TMC1: variants seen among roughly 807,000 people sequenced by gnomAD.
TMC1 encodes transmembrane channel-like protein 1.
A neutral mutation model predicts 105.8 loss-of-function variants in TMC1; 84 were observed. The ratio of observed to expected loss-of-function variants is 0.79; its 90% CI spans 0.67 to 0.95. The LOEUF is 0.95. TMC1 is among the 40% of genes least tolerant of loss of function. The pLI is 0.00. For synonymous variants in TMC1, 315 were observed against 311.5 expected (o/e 1.01, Z -0.12); for missense variants, 817 against 914.1 (o/e 0.89, Z 1.37).
At position 72,835,096 on chromosome 9, in the gene TMC1, C is replaced by T. The variant is rs193072934; in HGVS notation, c.2261-855C>T. On this transcript the variant is annotated intron_variant, in intron 23 of 23. Transcript: ENST00000297784. ...TAAAATTTTGTCATTGATGTCTCTTCCCCTATTCTCCCCCTCCTTGCAGGT... is the reference window on the plus strand; with the variant it reads ...TAAAATTTTGTCATTGATGTCTCTTTCCCTATTCTCCCCCTCCTTGCAGGT... 1.1e-3 allele frequency among the ~76,000 whole-genome samples: 174 copies of T among 152,146 alleles called. 1 individual carries two copies. The highest frequency in any genetic ancestry group is 4.1e-3 in the African/African-American group (169 of 41,512).
Position 72,644,672 on chromosome 9 carries a change from T to C in TMC1, c.-52-3925T>C, listed in dbSNP as rs936673466. Among the ~76,000 whole-genome samples, 6 of 152,250 alleles carry C rather than the reference T, an allele frequency of 3.9e-5. No individual in the cohort carries two copies. In the South Asian group the frequency reaches 1.2e-3, roughly 32 times the overall value. On this transcript the variant is annotated intron_variant, in intron 4 of 23. Transcript: ENST00000297784. ...AACTGTAGTTAATAAAGTCTTAAAGTTAGGTAGTAAAAGTCTGCTATTTTC... is the reference window on the plus strand; with the variant it reads ...AACTGTAGTTAATAAAGTCTTAAAGCTAGGTAGTAAAAGTCTGCTATTTTC...
intron 2 of TMC1, among the ~76,000 whole-genome samples, chr9:72,597,304 G>T (rs998022635): frequency 6.6e-6 from 1 of 152,200 alleles, no homozygotes; most frequent in African/African-American, 2.4e-5. Flanking sequence ...TGCCAAGCAG[G>T]TCAGCGGGGC....
chr9:72,655,052 G>C (rs561950470), intron 5 of TMC1, among the ~76,000 whole-genome samples: 1 of 152,314 alleles, frequency 6.6e-6, no homozygotes, highest in African/African-American at 2.4e-5. Flanking sequence ...GTGGGACCAG[G>C]TGGAGGTAAT....
chr9:72,590,413 G>A (rs1236310350), intron 2 of TMC1, among the ~76,000 whole-genome samples: 1 of 152,216 alleles, frequency 6.6e-6, no homozygotes, highest in African/African-American at 2.4e-5. Context: ...GAATCAGGCA[G>A]TGAAAGAGCT....
intron 18 of TMC1, 93 bp downstream of exon 18, chr9:72,805,603 G>T (rs1242836312): frequency 8.2e-7 from 1 of 1,220,014 alleles, no homozygotes; most frequent in Non-Finnish European, 1.1e-6. Flanking sequence ...GGGGGATTTG[G>T]CAGGGTCATA....
At chr9:72,622,006 C>T (rs138659096) in intron 3 of TMC1, among the ~76,000 whole-genome samples, 53 of 152,200 alleles carry the variant, frequency 3.5e-4, no homozygotes, top group African/African-American at 1.2e-3. Flanking sequence ...TCCAAATCCA[C>T]CCTTGTTTAT....
intron 20 of TMC1, among the ~76,000 whole-genome samples, chr9:72,826,200 G>C (rs1588103776): frequency 6.6e-6 from 1 of 152,250 alleles, no homozygotes; most frequent in Admixed American, 6.5e-5. Flanking sequence ...TACAATTCTA[G>C]CTATTCCTTA....
intron 21 of TMC1, among the ~76,000 whole-genome samples, chr9:72,828,038 CAA>C (rs779834528): frequency 1.9e-4 from 29 of 152,128 alleles, no homozygotes; most frequent in Non-Finnish European, 3.5e-4. Flanking sequence ...TTTCCCTAGA[CAA>C]GAGAGAGAGT....
chr9:72,685,050 T>C (rs2793154), intron 5 of TMC1, among the ~76,000 whole-genome samples: 58,001 of 150,490 alleles, frequency 0.39, 11,640 homozygotes, highest in African/African-American at 0.51. Context: ...TTAGGTAGGC[T>C]GGAGAAGAAA....
At chr9:72,637,266 G>A (rs1301466365) in intron 4 of TMC1, among the ~76,000 whole-genome samples, 1 of 151,478 alleles carries the variant, frequency 6.6e-6, no homozygotes, top group Non-Finnish European at 1.5e-5. Flanking sequence ...TAGTTATCTA[G>A]TATAGAGAAG....
At chr9:72,772,008 G>A (rs1393841484) in intron 12 of TMC1, among the ~76,000 whole-genome samples, 3 of 152,078 alleles carry the variant, frequency 2.0e-5, no homozygotes, top group Non-Finnish European at 4.4e-5. Flanking sequence ...TCAGGTGATT[G>A]GAAATGGAAA....
At chr9:72,789,519 A>G (rs1588084303) in intron 15 of TMC1, among the ~76,000 whole-genome samples, 3 of 152,132 alleles carry the variant, frequency 2.0e-5, no homozygotes, top group African/African-American at 7.2e-5. Flanking sequence ...TCATTTTGTG[A>G]CATGATGGAA....
At chr9:72,717,941 T>G (rs1826950037) in intron 8 of TMC1, among the ~76,000 whole-genome samples, 1 of 152,122 alleles carries the variant, frequency 6.6e-6, no homozygotes, top group South Asian at 2.1e-4. Context: ...TTCTTAGGTT[T>G]GGTCATTTAA....
intron 13 of TMC1, among the ~76,000 whole-genome samples, chr9:72,779,956 T>C (rs980878689): frequency 6.6e-6 from 1 of 152,034 alleles, no homozygotes; most frequent in African/African-American, 2.4e-5. Flanking sequence ...CCAAGACACA[T>C]AGCCCACAGA....
At chr9:72,718,517 G>A (rs955245929) in intron 8 of TMC1, among the ~76,000 whole-genome samples, 1 of 152,212 alleles carries the variant, frequency 6.6e-6, no homozygotes, top group Non-Finnish European at 1.5e-5. Context: ...CTCTGGGCTG[G>A]CACTGGGGGA....
chr9:72,616,650 G>A (rs1825135404), intron 3 of TMC1, among the ~76,000 whole-genome samples, 173 bp downstream of exon 3: 1 of 150,708 alleles, frequency 6.6e-6, no homozygotes, highest in South Asian at 2.1e-4. Flanking sequence ...TAATTTGTAA[G>A]TGATGCATTT....
chr9:72,635,800 A>G (rs2132139013), intron 4 of TMC1, among the ~76,000 whole-genome samples: 1 of 152,340 alleles, frequency 6.6e-6, no homozygotes, highest in Non-Finnish European at 1.5e-5. Context: ...AGAGCCTGTC[A>G]TTAGGCATTT....
rs774756982 is a variant in TMC1, at chr9:72,789,165, G to A, written c.1072G>A (p.Val358Ile). 8 of 1,613,334 alleles carry A rather than the reference G, an allele frequency of 5.0e-6. No individual in the cohort carries two copies. Among genetic ancestry groups the A allele is most frequent in the African/African-American group, 1.3e-5 (1 of 75,028 alleles). ...EEKAAQVEEN[V>I]HLIRFLRFLA... The stretch of plus-strand genomic sequence containing the variant: ...AAAAGCAGCCCAAGTAGAAGAAAAC[G>A]TCCACTTGATCAGATTCCTGAGGTT... Residue 358 changes from valine to isoleucine, a missense_variant, in exon 15 of 24, where the codon GTC becomes ATC. Transcript: ENST00000297784.
chr9:72,642,953 C>T (rs1189487034), intron 4 of TMC1, among the ~76,000 whole-genome samples: 2 of 152,088 alleles, frequency 1.3e-5, no homozygotes, highest in African/African-American at 4.8e-5. Context: ...TATAGTTTTG[C>T]CTTTTCAAGA....
Sources: gnomAD v4.1 joint callset for allele counts (sites outside exome capture counted in the v4.1 genomes callset) on GRCh38, gnomAD v4.1.1 for gene constraint, MANE v1.5 for transcripts, NCBI Gene and HGNC (gene_info 2026-07-23, HGNC 2026-07-21) for gene names.